TEAD1: variants seen among roughly 807,000 people sequenced by gnomAD.
TEAD1 encodes transcriptional enhancer factor TEF-1.
TEAD1 carries 9 observed loss-of-function variants against 54.9 expected under a neutral mutation model. The observed-to-expected ratio is 0.16, with a 90% CI of 0.10 to 0.29. The LOEUF is 0.29. Among genes scored for constraint, TEAD1 ranks in the 10% least tolerant of loss-of-function variants. The pLI is 1.00. For synonymous variants in TEAD1, 200 were observed against 187.8 expected (o/e 1.07, Z -0.53); for missense variants, 387 against 535.9 (o/e 0.72, Z 2.74).
intron 2 of TEAD1, among the ~76,000 whole-genome samples, chr11:12,696,170 C>G (rs1243405726): frequency 6.6e-6 from 1 of 152,166 alleles, no homozygotes; most frequent in Non-Finnish European, 1.5e-5. Context: ...GGTCGGAGTT[C>G]ATTCAGTGGC....
At position 12,743,730 on chromosome 11, in the gene TEAD1, G is replaced by C. The variant is rs116699038; in HGVS notation, c.-54-20449G>C. Among the ~76,000 whole-genome samples the C allele has an allele frequency of 7.7e-3, 1,175 of 152,318 alleles. 16 individuals are homozygous for C. The highest frequency in any genetic ancestry group is 0.027 in the African/African-American group (1,118 of 41,566). Reference sequence around the variant, plus strand: ...AGTTGCCTGTATGACAAATGAAACAGATTTAAGGTGGGGGAGAAGGTTACC... The same window carrying C: ...AGTTGCCTGTATGACAAATGAAACACATTTAAGGTGGGGGAGAAGGTTACC... On this transcript the variant is annotated intron_variant, in intron 2 of 12. Transcript: ENST00000527636.
chr11:12,706,404 A>G (rs1448526068), intron 2 of TEAD1, among the ~76,000 whole-genome samples: 1 of 152,254 alleles, frequency 6.6e-6, no homozygotes, highest in Non-Finnish European at 1.5e-5. Context: ...GCAACTACTT[A>G]TCTGTGAATC....
intron 3 of TEAD1, among the ~76,000 whole-genome samples, chr11:12,848,302 G>T (rs537429798): frequency 6.6e-6 from 1 of 152,258 alleles, no homozygotes; most frequent in East Asian, 1.9e-4. Context: ...GTGCCTTGGG[G>T]CCAGATTATG....
At chr11:12,811,954 G>A (rs1472583542) in intron 3 of TEAD1, among the ~76,000 whole-genome samples, 1 of 152,086 alleles carries the variant, frequency 6.6e-6, no homozygotes, top group Non-Finnish European at 1.5e-5. Flanking sequence ...CCGGTAGGAC[G>A]TAGTCTCTTC....
chr11:12,823,008 G>A (rs1269632250), intron 3 of TEAD1, among the ~76,000 whole-genome samples: 1 of 152,050 alleles, frequency 6.6e-6, no homozygotes, highest in African/African-American at 2.4e-5. Flanking sequence ...GTAGATAATT[G>A]TCCAGTATTT....
chr11:12,708,144 G>T (rs777953401), intron 2 of TEAD1, among the ~76,000 whole-genome samples: 6 of 152,062 alleles, frequency 3.9e-5, no homozygotes, highest in Middle Eastern at 3.4e-3. Context: ...AGGTGTCTCG[G>T]TGGAAGAATT....
chr11:12,802,943 C>A (rs968187818), intron 3 of TEAD1, among the ~76,000 whole-genome samples: 1 of 152,154 alleles, frequency 6.6e-6, no homozygotes, highest in African/African-American at 2.4e-5. Context: ...CTCTGAGTCT[C>A]ATTTGAGTTG....
intron 3 of TEAD1, 108 bp from the exon 4 acceptor site, chr11:12,862,142 G>A (rs1165246320): frequency 1.2e-6 from 1 of 838,292 alleles, no homozygotes; most frequent in African/African-American, 1.7e-5. Flanking sequence ...TAAACACATA[G>A]TTGTAATTTT....
At chr11:12,928,507 C>G (rs566319852) in intron 11 of TEAD1, among the ~76,000 whole-genome samples, 1 of 151,994 alleles carries the variant, frequency 6.6e-6, no homozygotes, top group African/African-American at 2.4e-5. Context: ...TGGGCTCAAG[C>G]GATCTGCCTA....
At chr11:12,846,077 A>G (rs1284646454) in intron 3 of TEAD1, among the ~76,000 whole-genome samples, 1 of 152,244 alleles carries the variant, frequency 6.6e-6, no homozygotes, top group Non-Finnish European at 1.5e-5. Flanking sequence ...ATTATTGAAA[A>G]TAGGGAGGCC....
At chr11:12,831,548 TTTTG>T (rs140694480) in intron 3 of TEAD1, among the ~76,000 whole-genome samples, 2,199 of 152,256 alleles carry the variant, frequency 0.014, 63 homozygotes, top group African/African-American at 0.05. Flanking sequence ...TTGTTGTGTT[TTTTG>T]TTTGTTTGTT....
chr11:12,818,339 T>C (rs1340918734), intron 3 of TEAD1, among the ~76,000 whole-genome samples: 1 of 152,240 alleles, frequency 6.6e-6, no homozygotes, highest in Non-Finnish European at 1.5e-5. Context: ...AGAACCACTG[T>C]TACTATTTTT....
At chr11:12,799,205 A>G (rs1433505253) in intron 3 of TEAD1, among the ~76,000 whole-genome samples, 2 of 152,248 alleles carry the variant, frequency 1.3e-5, no homozygotes, top group Non-Finnish European at 2.9e-5. Context: ...AGTGTTTTAC[A>G]AATATTAACT....
intron 2 of TEAD1, among the ~76,000 whole-genome samples, chr11:12,678,933 G>A (rs1376583626): frequency 6.6e-6 from 1 of 152,178 alleles, no homozygotes; most frequent in African/African-American, 2.4e-5. Context: ...AGTAAAAATG[G>A]GATGCCCTGG....
intron 9 of TEAD1, among the ~76,000 whole-genome samples, chr11:12,887,599 A>G (rs4757064): frequency 0.22 from 32,997 of 152,132 alleles, 3,695 homozygotes; most frequent in Middle Eastern, 0.33. Context: ...ACAACGTGCT[A>G]TTACAATCAA....
chr11:12,886,748 A>C (rs1948095339), intron 9 of TEAD1, among the ~76,000 whole-genome samples: 1 of 151,686 alleles, frequency 6.6e-6, no homozygotes, highest in African/African-American at 2.4e-5. Flanking sequence ...CTCATGTCTC[A>C]GGCTCCTGAG....
chr11:12,833,144 G>A (rs556345954), intron 3 of TEAD1, among the ~76,000 whole-genome samples: 1 of 152,330 alleles, frequency 6.6e-6, no homozygotes, highest in East Asian at 1.9e-4. Context: ...GGTCCCTTGT[G>A]TCCATGCAAT....
intron 3 of TEAD1, among the ~76,000 whole-genome samples, chr11:12,859,767 AG>A (rs1392993237): frequency 6.6e-6 from 1 of 152,220 alleles, no homozygotes; most frequent in African/African-American, 2.4e-5. Context: ...AAAAAATGTA[AG>A]GTTCTGTTTT....
chr11:12,814,759 C>T (rs1946377931), intron 3 of TEAD1, among the ~76,000 whole-genome samples: 1 of 150,614 alleles, frequency 6.6e-6, no homozygotes, highest in South Asian at 2.1e-4. Context: ...TCCAGCCACC[C>T]CTGACCATCG....
Sources: allele counts gnomAD v4.1 joint callset (sites outside exome capture counted in the v4.1 genomes callset), GRCh38; gene constraint gnomAD v4.1.1; transcripts MANE v1.5; gene names NCBI Gene and HGNC (gene_info 2026-07-23, HGNC 2026-07-21).